ABHD16A: variants seen among roughly 807,000 people sequenced by gnomAD.
ABHD16A encodes phosphatidylserine lipase ABHD16A.
In ABHD16A, 47 loss-of-function variants were observed where a neutral mutation model predicts 89.8. That is an observed-to-expected ratio of 0.52 (90% CI 0.41 to 0.67). The LOEUF (loss-of-function observed/expected upper bound fraction) is 0.67, where lower values mean the gene tolerates loss of function less well. Ranked by LOEUF, ABHD16A falls within the 30% of genes least tolerant of loss-of-function variation. ABHD16A has a pLI of 0.00. For synonymous variants in ABHD16A, 251 were observed against 280.4 expected, an observed-to-expected ratio of 0.90 and a Z score of 1.05; for missense variants, 580 against 734.6, an observed-to-expected ratio of 0.79 and a Z score of 2.43.
intron 1 of ABHD16A, 52 bp downstream of exon 1, chr6:31,703,098 G>C: frequency 7.3e-7 from 1 of 1,377,300 alleles, no homozygotes; most frequent in Non-Finnish European, 9.5e-7. Context: ...GCAAAAGGCC[G>C]TAAAGGGTTT....
At chr6:31,689,485 T>C (rs149770010) in intron 12 of ABHD16A, 96 bp downstream of exon 12, 986 of 1,417,780 alleles carry the variant, frequency 7.0e-4, no homozygotes, top group Non-Finnish European at 8.8e-4. Flanking sequence ...CTCTTCTTCC[T>C]TGAGCCTCCA....
intron 4 of ABHD16A, 94 bp downstream of exon 4, chr6:31,700,848 A>T: frequency 2.1e-6 from 2 of 975,032 alleles, no homozygotes; most frequent in Non-Finnish European, 1.6e-6. Flanking sequence ...TCCCTCTCGG[A>T]GGCCCATCAC....
At position 31,691,888 on chromosome 6, in the gene ABHD16A, C is replaced by G; in HGVS notation, c.657G>C (p.Arg219=). The G allele has an allele frequency of 6.2e-7, 1 of 1,610,912 alleles. No individual in the cohort carries two copies. The highest frequency in any genetic ancestry group is 2.2e-5 in the East Asian group (1 of 44,874). ...GGTACACAGAGCCTGGATACAGCAT[C>G]CGGCGCCCTAGGGTGTGCGCCACCA... ...SYLVAHTLGR[R]MLYPGSVYLL... is the part of the protein sequence containing the mutation. Residue 219 remains arginine, a synonymous_variant, in exon 8 of 20, where the codon CGG becomes CGC. Coordinates refer to ENST00000395952, the MANE Select transcript of ABHD16A (RefSeq NM_021160.3).
chr6:31,701,192 T>C, intron 3 of ABHD16A, 82 bp downstream of exon 3: 1 of 1,439,682 alleles, frequency 6.9e-7, no homozygotes, highest in East Asian at 2.3e-5. Flanking sequence ...TCTTCACAGG[T>C]CCCCTCTCCT....
intron 4 of ABHD16A, among the ~76,000 whole-genome samples, chr6:31,700,089 A>T (rs1418014226): frequency 6.7e-6 from 1 of 148,902 alleles, no homozygotes. Context: ...GTTCATTTGC[A>T]TTGCTATATA....
chr6:31,691,274 G>C (rs1370196107), intron 9 of ABHD16A, among the ~76,000 whole-genome samples: 1 of 152,068 alleles, frequency 6.6e-6, no homozygotes, highest in Non-Finnish European at 1.5e-5. Context: ...CCTATCTCAC[G>C]GGATTCTTTT....
chr6:31,699,277 TG>T (rs1804674066), intron 4 of ABHD16A, among the ~76,000 whole-genome samples: 1 of 151,642 alleles, frequency 6.6e-6, no homozygotes, highest in African/African-American at 2.4e-5. Flanking sequence ...GGTGTGGTGG[TG>T]GGCGCCTGTA....
intron 7 of ABHD16A, 150 bp downstream of exon 7, chr6:31,692,876 TA>T (rs769329270): frequency 9.4e-7 from 1 of 1,065,470 alleles, no homozygotes; most frequent in Non-Finnish European, 1.4e-6. Flanking sequence ...TAAATATGGA[TA>T]AAAATGACTT....
intron 4 of ABHD16A, among the ~76,000 whole-genome samples, chr6:31,699,092 T>C (rs1804653368): frequency 6.6e-6 from 1 of 152,080 alleles, no homozygotes; most frequent in South Asian, 2.1e-4. Context: ...CCCCAGGTAA[T>C]CACTCTCCTA....
rs777557609 is a variant in ABHD16A, at chr6:31,693,539, TG to T, written c.430-108del. 4 of 1,071,920 alleles carry T rather than the reference TG, an allele frequency of 3.7e-6. No homozygotes were observed. The highest frequency in any genetic ancestry group is 2.6e-5 in the East Asian group (1 of 39,180). 66.4% of individuals were successfully genotyped at this position (1,071,920 alleles called of 1,614,324 possible). A position where few individuals can be genotyped will look rare whatever the true frequency, so the allele number is the denominator to read the frequency against. On this transcript the variant is annotated intron_variant, in intron 5 of 19. Transcript: ENST00000395952. This position sits in a 1 kb window ranked among gnomAD's most constrained non-coding sequence, Gnocchi z 5.0. Reference sequence around the variant, plus strand: ...CCAGGGGTCTGATCCCCACACATCATGGGGAAACCAAGCGGAGGTCAATACC... The same window carrying T: ...CCAGGGGTCTGATCCCCACACATCATGGGAAACCAAGCGGAGGTCAATACC...
intron 2 of ABHD16A, 146 bp downstream of exon 2, chr6:31,701,928 G>A (rs1805046937): frequency 1.3e-6 from 1 of 793,752 alleles, no homozygotes; most frequent in African/African-American, 1.7e-5. Flanking sequence ...GAGTGTGCCT[G>A]TGTGTCTGTG....
chr6:31,697,025 G>A lies in ABHD16A; in HGVS notation c.352C>T (p.Arg118Cys), dbSNP rs773153773. 4.3e-6 allele frequency: 7 copies of A among 1,612,886 alleles called. No individual in the cohort carries two copies. Among genetic ancestry groups the A allele is most frequent in the East Asian group, 4.5e-5 (2 of 44,886 alleles). Reference sequence around the variant, plus strand: ...TGCCGGTACTGGGGGTTGGTCCAGCGGCCAATGCCTGGTAGAAAAAGGACA... The same window carrying A: ...TGCCGGTACTGGGGGTTGGTCCAGCAGCCAATGCCTGGTAGAAAAAGGACA... Reference protein sequence around the residue: ...AGVACLRGIGRWTNPQYRQFI... With the variant: ...AGVACLRGIGCWTNPQYRQFI... Residue 118 changes from arginine to cysteine, a missense_variant, in exon 5 of 20, where the codon CGC becomes TGC. Around this residue, in one of 2 missense-constraint regions of ABHD16A, gnomAD observed 165 missense variants for 165.8 expected, o/e 1.00. Coordinates refer to ENST00000395952, the MANE Select transcript of ABHD16A (RefSeq NM_021160.3).
chr6:31,700,131 T>C (rs1204355931), intron 4 of ABHD16A, among the ~76,000 whole-genome samples: 4 of 148,282 alleles, frequency 2.7e-5, no homozygotes, highest in Admixed American at 6.7e-5. Flanking sequence ...GCATGGAACT[T>C]TTTTTTTTTT....
At position 31,700,818 on chromosome 6, in the gene ABHD16A, C is replaced by T. The variant is rs1349743185; in HGVS notation, c.343+124G>A. 4 of 759,496 alleles carry T rather than the reference C, an allele frequency of 5.3e-6. No individual in the cohort carries two copies. The East Asian group carries it at 8.0e-5, about 15-fold the overall frequency. 47.0% of individuals were successfully genotyped at this position (759,496 alleles called of 1,614,324 possible). ...AAGTCTTTTAAGGAAAAGATCATGC[C>T]TTAAACCATTCTCAATGATTCCCTC... On this transcript the variant is annotated intron_variant, in intron 4 of 19. Coordinates refer to ENST00000395952, the MANE Select transcript of ABHD16A (RefSeq NM_021160.3).
intron 11 of ABHD16A, 101 bp downstream of exon 11, chr6:31,689,977 C>G (rs707917): frequency 0.28 from 377,587 of 1,332,226 alleles, 58,684 homozygotes; most frequent in African/African-American, 0.56. Flanking sequence ...GTGAGTGGGA[C>G]GCCTTCAAGA....
rs1471349648 is a variant in ABHD16A, at chr6:31,700,728, T to C, written c.343+214A>G. Among the ~76,000 whole-genome samples the C allele has an allele frequency of 4.0e-5, 6 of 151,292 alleles. No individual in the cohort carries two copies. In the East Asian group the frequency reaches 9.7e-4, roughly 25 times the overall value. On this transcript the variant is annotated intron_variant, in intron 4 of 19. Coordinates refer to ENST00000395952, the MANE Select transcript of ABHD16A (RefSeq NM_021160.3). ...GCCTGGACAACATGGTGAGACCCTA[T>C]CTCTTAAAAAAAAAAAAGCAAACCT...
rs201502942 is a variant in ABHD16A at position 31,687,890 on chromosome 6, C to G, written c.1381G>C (p.Val461Leu). ...ACTCGAAGACCCTCCTCTGCCATCA[C>G]CCGGGGATACCTACGGAGGAAGTGC... Reference protein sequence around the residue: ...LKLLQHRYPRVMAEEGLRVVR... With the variant: ...LKLLQHRYPRLMAEEGLRVVR... The change falls in exon 17 of 20, where the codon GTG becomes CTG. Residue 461 changes from valine (V) to leucine (L), a missense_variant. Physicochemically the swap from Val to Leu is conservative, Grantham distance 32 (BLOSUM62 1). Around this residue, in one of 2 missense-constraint regions of ABHD16A, gnomAD observed 415 missense variants for 568.8 expected, o/e 0.73. Transcript: ENST00000395952. The surrounding 1 kb of genome is among the most constrained non-coding windows in gnomAD (Gnocchi z 6.3). 392 of 1,612,786 alleles carry G rather than the reference C, an allele frequency of 2.4e-4. 4 individuals carry two copies. The highest frequency in any genetic ancestry group is 4.3e-5 in the Non-Finnish European group (51 of 1,180,028).
chr6:31,699,381 C>A (rs1206628175), intron 4 of ABHD16A, among the ~76,000 whole-genome samples: 1 of 142,550 alleles, frequency 7.0e-6, no homozygotes, highest in African/African-American at 2.7e-5. Flanking sequence ...TGCACTCCAG[C>A]CTGGGGGACA....
intron 1 of ABHD16A, chr6:31,702,559 G>A: frequency 2.1e-6 from 3 of 1,401,994 alleles, no homozygotes; most frequent in Non-Finnish European, 2.8e-6. Context: ...GTAGGAGACA[G>A]TAACACAATG....
Sources: gnomAD v4.1 joint callset for allele counts (sites outside exome capture counted in the v4.1 genomes callset) on GRCh38, gnomAD v4.1.1 for gene constraint, gnomAD v4.1.1 regional missense constraint, Gnocchi (gnomAD v3.1) non-coding constraint, MANE v1.5 for transcripts, NCBI Gene and HGNC (gene_info 2026-07-23, HGNC 2026-07-21) for gene names.